DMBT1: variants seen among roughly 807,000 people sequenced by gnomAD.
The protein encoded by DMBT1 is scavenger receptor cysteine-rich domain-containing protein DMBT1.
In DMBT1, 198 loss-of-function variants were observed where a neutral mutation model predicts 252.9. The ratio of observed to expected loss-of-function variants is 0.78; its 90% CI spans 0.70 to 0.88. The LOEUF is 0.88. DMBT1 is among the 40% of genes least tolerant of loss of function. The probability of loss-of-function intolerance (pLI) is 0.00; values close to 1 mark genes in which losing one functional copy is unlikely to be tolerated. For missense variants in DMBT1, 2,432 were observed against 2,404.7 expected, an observed-to-expected ratio of 1.01 and a Z score of -0.24; for synonymous variants, 990 against 942.7, an observed-to-expected ratio of 1.05 and a Z score of -0.92.
At chr10:122,623,388 C>T (rs1216012336) in intron 44 of DMBT1, among the ~76,000 whole-genome samples, 2 of 152,102 alleles carry the variant, frequency 1.3e-5, no homozygotes, top group African/African-American at 4.8e-5. Flanking sequence ...TTTTTGTTTG[C>T]ACTTGTGTTT....
At chr10:122,600,002 G>C (rs368468854) in intron 26 of DMBT1, 62 bp from the exon 27 acceptor site, 2 of 1,591,638 alleles carry the variant, frequency 1.3e-6, no homozygotes, top group Admixed American at 1.7e-5. Flanking sequence ...TTCCCTCCTC[G>C]TTCCACTTTG....
At chr10:122,638,265 G>A (rs1030918929) in intron 54 of DMBT1, among the ~76,000 whole-genome samples, 1 of 151,320 alleles carries the variant, frequency 6.6e-6, no homozygotes, top group African/African-American at 2.4e-5. Flanking sequence ...GACTCCCTGA[G>A]CGGCCCCGCT....
rs763228689 is a variant in DMBT1 at position 122,600,059 on chromosome 10, C to A, written c.3281-5C>A. ...TGATCTGACCTTCTCTTCTCTTTCT[C>A]ACAGCTTCCCAGTCCCGGCCAACAC... On this transcript the variant is annotated splice_region_variant and splice_polypyrimidine_tract_variant and intron_variant, in intron 26 of 55. Coordinates refer to ENST00000338354, the MANE Select transcript of DMBT1 (RefSeq NM_001377530.1). 8.1e-6 allele frequency: 13 copies of A among 1,607,920 alleles called. No homozygotes were observed. The highest frequency in any genetic ancestry group is 1.0e-5 in the Non-Finnish European group (12 of 1,178,354).
chr10:122,571,066 G>A, intron 4 of DMBT1, 129 bp downstream of exon 4: 1 of 1,141,736 alleles, frequency 8.8e-7, no homozygotes, highest in Non-Finnish European at 1.3e-6. Context: ...AGGTAGTGTG[G>A]ATATCACCTT....
chr10:122,572,183 G>A, intron 4 of DMBT1, 131 bp from the exon 5 acceptor site: 13 of 1,244,354 alleles, frequency 1.0e-5, no homozygotes, highest in Non-Finnish European at 1.5e-5. Context: ...GCACATGGTT[G>A]GCTTTTAGCA....
At chr10:122,572,703 T>A (rs943890966) in intron 5 of DMBT1, among the ~76,000 whole-genome samples, 1 of 152,122 alleles carries the variant, frequency 6.6e-6, no homozygotes, top group Admixed American at 6.5e-5. Flanking sequence ...GGAGGTAGGC[T>A]TCAGTCTCAG....
Position 122,640,333 on chromosome 10 carries a change from C to G in DMBT1, c.7236C>G (p.Tyr2412Ter). 1.2e-6 allele frequency: 2 copies of G among 1,614,046 alleles called. No homozygotes were observed. Among genetic ancestry groups the G allele is most frequent in the Non-Finnish European group, 1.7e-6 (2 of 1,179,908 alleles). ...ACGTGGACCTGAACCAGGACTTGTA[C>G]GTTCAGGCTGAAATCCTCCATTCTG... is the stretch of plus-strand genomic sequence containing the variant. Reference protein sequence around the residue: ...PYYVDLNQDLYVQAEILHSDA... With the variant: ...PYYVDLNQDL Residue 2412 changes from tyrosine to a stop codon, truncating the protein, a stop_gained, in exon 55 of 56, where the codon TAC becomes TAG. Coordinates refer to ENST00000338354, the MANE Select transcript of DMBT1 (RefSeq NM_001377530.1). LOFTEE classifies it high-confidence loss of function.
rs984578683 is a variant in DMBT1, at chr10:122,590,410, G to A, written c.2108-255G>A. The stretch of plus-strand genomic sequence containing the variant: ...GGACTGCTAAGACGTGTAAGGGAGA[G>A]GGTTGGTTTTGTGTCAACCTGATTA... On this transcript the variant is annotated intron_variant, in intron 17 of 55. Transcript: ENST00000338354. 4.0e-5 allele frequency among the ~76,000 whole-genome samples: 6 copies of A among 148,696 alleles called. 2 individuals are homozygous for A. The highest frequency in any genetic ancestry group is 6.0e-5 in the Non-Finnish European group (4 of 66,734).
intron 27 of DMBT1, 81 bp downstream of exon 27, chr10:122,600,174 G>C (rs2097931620): frequency 1.3e-6 from 2 of 1,524,440 alleles, no homozygotes; most frequent in Admixed American, 1.9e-5. Flanking sequence ...GAGCTCTCCT[G>C]TTTCTCTGTG....
intron 55 of DMBT1, among the ~76,000 whole-genome samples, chr10:122,640,849 G>C (rs548505984): frequency 6.6e-6 from 1 of 152,238 alleles, no homozygotes; most frequent in Non-Finnish European, 1.5e-5. Context: ...ATTTGGAGCA[G>C]ACCAAGGTTG....
At chr10:122,577,871 C>A (rs1339400030) in intron 8 of DMBT1, 31 bp downstream of exon 8, 2 of 1,612,104 alleles carry the variant, frequency 1.2e-6, no homozygotes, top group Non-Finnish European at 1.7e-6. Flanking sequence ...CTCGGGATAC[C>A]CCTTCTCTTT....
At chr10:122,580,187 CCTG>C (rs1010226843) in intron 10 of DMBT1, among the ~76,000 whole-genome samples, 4 of 152,210 alleles carry the variant, frequency 2.6e-5, no homozygotes, top group Non-Finnish European at 4.4e-5. Flanking sequence ...CCATTTCTCC[CCTG>C]CTGAGTAGCA....
At chr10:122,630,115 C>A in intron 47 of DMBT1, 122 bp downstream of exon 47, 1 of 1,440,400 alleles carries the variant, frequency 6.9e-7, no homozygotes, top group Non-Finnish European at 9.5e-7. Flanking sequence ...CTTTTGGTGG[C>A]TTTGATTCCT....
intron 7 of DMBT1, 81 bp downstream of exon 7, chr10:122,576,803 G>T (rs562370131): frequency 5.8e-6 from 9 of 1,561,388 alleles, no homozygotes; most frequent in Admixed American, 1.7e-5. Flanking sequence ...GAGGTAGGCA[G>T]ATTGCTTGAG....
intron 10 of DMBT1, 78 bp downstream of exon 10, chr10:122,579,979 T>C: frequency 6.2e-7 from 1 of 1,602,578 alleles, no homozygotes. Context: ...CATTCTGATC[T>C]CCTCACTCAA....
rs1045014436 is a variant in DMBT1 at position 122,637,685 on chromosome 10, A to T, written c.6942+373A>T. Among the ~76,000 whole-genome samples the T allele has an allele frequency of 6.6e-5, 10 of 152,354 alleles. 1 individual carries two copies. In the East Asian group the frequency reaches 1.9e-3, roughly 29 times the overall value. ...GTTGAGATGGGCAGGGGCCTCATTA[A>T]GTCAAAGAATGCAATATCTATGAAC... On this transcript the variant is annotated intron_variant, in intron 54 of 55. Coordinates refer to ENST00000338354, the MANE Select transcript of DMBT1 (RefSeq NM_001377530.1).
In DMBT1 at chr10:122,617,668, G is replaced by A. The variant is rs907048582; in HGVS notation, c.4892-349G>A. On this transcript the variant is annotated intron_variant, in intron 40 of 55. Coordinates refer to ENST00000338354, the MANE Select transcript of DMBT1 (RefSeq NM_001377530.1). ...TTTGCCAGAAACCAGAGAGGACCAT[G>A]TGGATGCCACCAAACTCTTAAACAT... Among the ~76,000 whole-genome samples the A allele has an allele frequency of 8.6e-5, 13 of 151,766 alleles. 2 individuals are homozygous for A. Among genetic ancestry groups the A allele is most frequent in the African/African-American group, 2.9e-4 (12 of 41,264 alleles).
chr10:122,590,870 G>T (rs1372409110), intron 18 of DMBT1, among the ~76,000 whole-genome samples, 176 bp downstream of exon 18: 26 of 148,186 alleles, frequency 1.8e-4, no homozygotes, highest in African/African-American at 6.3e-4. Context: ...GGTTAAGAAG[G>T]TATGATCTTT....
intron 17 of DMBT1, among the ~76,000 whole-genome samples, chr10:122,589,556 GTGGC>G (rs2097828042): frequency 6.7e-6 from 1 of 148,224 alleles, no homozygotes; most frequent in African/African-American, 2.4e-5. Flanking sequence ...GCATTTTAGT[GTGGC>G]TGGAAAGGAA....
Sources: gnomAD v4.1 joint callset for allele counts (sites outside exome capture counted in the v4.1 genomes callset) on GRCh38, gnomAD v4.1.1 for gene constraint, MANE v1.5 for transcripts, NCBI Gene and HGNC (gene_info 2026-07-23, HGNC 2026-07-21) for gene names.